LNPEP: variants seen among roughly 807,000 people sequenced by gnomAD.
LNPEP encodes the protein leucyl-cystinyl aminopeptidase.
In LNPEP, 64 loss-of-function variants were observed where a neutral mutation model predicts 120.6. That is an observed-to-expected ratio of 0.53 (90% CI 0.43 to 0.65). The LOEUF (loss-of-function observed/expected upper bound fraction) is 0.65, where lower values mean the gene tolerates loss of function less well. Ranked by LOEUF, LNPEP falls within the 30% of genes least tolerant of loss-of-function variation. The pLI is 0.00. For synonymous variants in LNPEP, 435 were observed against 425.4 expected, an observed-to-expected ratio of 1.02 and a Z score of -0.28; for missense variants, 1,057 against 1,200.0, an observed-to-expected ratio of 0.88 and a Z score of 1.76.
chr5:96,996,820 A>G (rs1390767206), intron 7 of LNPEP, among the ~76,000 whole-genome samples: 5 of 152,030 alleles, frequency 3.3e-5, no homozygotes, highest in African/African-American at 1.2e-4. Context: ...AGGAATTTAA[A>G]GTTGCAAAGT....
At chr5:96,972,394 GCTGGGTTGAC>G (rs2112596268) in intron 1 of LNPEP, among the ~76,000 whole-genome samples, 1 of 152,100 alleles carries the variant, frequency 6.6e-6, no homozygotes, top group East Asian at 1.9e-4. Flanking sequence ...CTTTGCTCTG[GCTGGGTTGAC>G]CTGCCACTAC....
Position 97,026,717 on chromosome 5 carries a change from T to G in LNPEP, c.2824T>G (p.Trp942Gly), listed in dbSNP as rs1301482770. 1 of 1,613,652 alleles carries G rather than the reference T, an allele frequency of 6.2e-7. No individual in the cohort carries two copies. Among genetic ancestry groups the G allele is most frequent in the Non-Finnish European group, 8.5e-7 (1 of 1,179,554 alleles). ...GRHFPGHLLAWDFVKENWNKL... is the reference protein window; with the variant it reads ...GRHFPGHLLAGDFVKENWNKL... ...ACATTTTCCTGGACACTTACTGGCATGGGATTTTGTCAAAGAGAACTGGAA... is the reference window on the plus strand; with the variant it reads ...ACATTTTCCTGGACACTTACTGGCAGGGGATTTTGTCAAAGAGAACTGGAA... Residue 942 changes from tryptophan to glycine, a missense_variant, in exon 16 of 18, where the codon TGG (tryptophan) becomes GGG (glycine). Coordinates refer to ENST00000231368, the MANE Select transcript of LNPEP (RefSeq NM_005575.3).
At chr5:96,948,870 T>A (rs1789255302) in intron 1 of LNPEP, among the ~76,000 whole-genome samples, 1 of 152,230 alleles carries the variant, frequency 6.6e-6, no homozygotes, top group Non-Finnish European at 1.5e-5. Flanking sequence ...TAGTATAGTA[T>A]AATAGTGAAG....
At chr5:96,954,124 A>T (rs1455527480) in intron 1 of LNPEP, among the ~76,000 whole-genome samples, 1 of 152,226 alleles carries the variant, frequency 6.6e-6, no homozygotes, top group East Asian at 1.9e-4. Context: ...AATTGAGACT[A>T]TAAAGTTCCA....
chr5:96,991,623 T>C (rs115282563), intron 4 of LNPEP, among the ~76,000 whole-genome samples: 2,108 of 152,324 alleles, frequency 0.014, 51 homozygotes, highest in African/African-American at 0.048. Context: ...GAGAATTGTC[T>C]TTTCATGTCC....
chr5:97,011,252 GT>G, intron 11 of LNPEP: 2 of 909,430 alleles, frequency 2.2e-6, no homozygotes, highest in Non-Finnish European at 2.6e-6. Context: ...TAGAGACAGG[GT>G]CCTGCTCTGT....
At chr5:96,989,320 TAATATATA>T (rs1561443009) in intron 4 of LNPEP, among the ~76,000 whole-genome samples, 1 of 21,756 alleles carries the variant, frequency 4.6e-5, no homozygotes, top group Non-Finnish European at 8.3e-5. Flanking sequence ...ATATTATATA[TAATATATA>T]ATTATATATA....
Position 96,979,691 on chromosome 5 carries a change from G to A in LNPEP, c.573G>A (p.Arg191=), listed in dbSNP as rs1428237321. Residue 191 remains arginine (R), a synonymous_variant, in exon 2 of 18, where the codon AGG becomes AGA. Coordinates refer to ENST00000231368, the MANE Select transcript of LNPEP (RefSeq NM_005575.3). ...LHPNLTSMTF[R]GSVTISVQAL... ...CGAACCTAACCTCGATGACATTCAG[G>A]GGTTCTGTGACAATTTCAGTTCAGG... The A allele has an allele frequency of 1.2e-6, 2 of 1,613,904 alleles. No homozygotes were observed. Among genetic ancestry groups the A allele is most frequent in the Admixed American group, 1.7e-5 (1 of 59,978 alleles).
chr5:96,951,561 G>T (rs1408680801), intron 1 of LNPEP, among the ~76,000 whole-genome samples: 2 of 152,146 alleles, frequency 1.3e-5, no homozygotes, highest in African/African-American at 4.8e-5. Flanking sequence ...CCTGGCGGGG[G>T]GTTAGTGCTT....
At chr5:96,999,161 A>G (rs1790585897) in intron 8 of LNPEP, among the ~76,000 whole-genome samples, 1 of 152,194 alleles carries the variant, frequency 6.6e-6, no homozygotes. Flanking sequence ...GAACAGAGGA[A>G]TGACTTGATT....
chr5:96,941,356 G>A (rs759008664), intron 1 of LNPEP, among the ~76,000 whole-genome samples: 1 of 152,172 alleles, frequency 6.6e-6, no homozygotes, highest in Admixed American at 6.5e-5. Flanking sequence ...GACTGGTACT[G>A]GTCTGTGGCC....
At position 97,026,711 on chromosome 5, in the gene LNPEP, C is replaced by G; in HGVS notation, c.2818C>G (p.Leu940Val). The change falls in exon 16 of 18, where the codon CTG (leucine) becomes GTG (valine). Residue 940 changes from leucine to valine, a missense_variant. Transcript: ENST00000231368. Reference protein sequence around the residue: ...TVGRHFPGHLLAWDFVKENWN... With the variant: ...TVGRHFPGHLVAWDFVKENWN... ...GGGTCGACATTTTCCTGGACACTTA[C>G]TGGCATGGGATTTTGTCAAAGAGAA... The G allele has an allele frequency of 6.2e-7, 1 of 1,613,266 alleles. No homozygotes were observed. The highest frequency in any genetic ancestry group is 1.1e-5 in the South Asian group (1 of 91,050).
Position 96,992,196 on chromosome 5 carries a change from A to C in LNPEP, c.1132-819A>C, listed in dbSNP as rs187733960. 2.6e-4 allele frequency among the ~76,000 whole-genome samples: 40 copies of C among 152,282 alleles called. No individual in the cohort carries two copies. In the Middle Eastern group the frequency reaches 0.014, roughly 52 times the overall value. ...AGTGAGCAAGAATTGCAATTTAATA[A>C]TAAGGATGATTCCATCTGCCTTGTC... is the stretch of plus-strand genomic sequence containing the variant. On this transcript the variant is annotated intron_variant, in intron 4 of 17. Transcript: ENST00000231368.
intron 2 of LNPEP, among the ~76,000 whole-genome samples, chr5:96,981,344 CT>C (rs1178600882): frequency 6.6e-6 from 1 of 152,120 alleles, no homozygotes; most frequent in African/African-American, 2.4e-5. Flanking sequence ...ATTCATTTTA[CT>C]GATACTTTTA....
At chr5:97,025,379 C>T (rs1051317629) in intron 15 of LNPEP, among the ~76,000 whole-genome samples, 6 of 152,176 alleles carry the variant, frequency 3.9e-5, no homozygotes, top group Admixed American at 3.9e-4. Flanking sequence ...GTCCTCAGTA[C>T]CTGTCCAGAC....
At position 96,965,706 on chromosome 5, in the gene LNPEP, A is replaced by C. The variant is rs114422200; in HGVS notation, c.20-13432A>C. 9.2e-3 allele frequency among the ~76,000 whole-genome samples: 1,406 copies of C among 152,230 alleles called. 24 individuals carry two copies. The highest frequency in any genetic ancestry group is 0.032 in the African/African-American group (1,322 of 41,558). ...CTTTAGTTGTGGGCATTCATTGAGC[A>C]CTTAGCATCTGAAAATGTCTTACAG... On this transcript the variant is annotated intron_variant, in intron 1 of 17. Transcript: ENST00000231368.
At chr5:96,965,084 C>T (rs1437093424) in intron 1 of LNPEP, among the ~76,000 whole-genome samples, 3 of 152,036 alleles carry the variant, frequency 2.0e-5, no homozygotes, top group African/African-American at 7.2e-5. Context: ...ATGTTGGGAA[C>T]ATTCCAATTC....
At chr5:96,945,983 C>A (rs746899148) in intron 1 of LNPEP, among the ~76,000 whole-genome samples, 1 of 152,134 alleles carries the variant, frequency 6.6e-6, no homozygotes, top group African/African-American at 2.4e-5. Flanking sequence ...GAATGTAATA[C>A]ATGTCTGGTG....
At chr5:96,959,336 G>A (rs1349207636) in intron 1 of LNPEP, among the ~76,000 whole-genome samples, 4 of 152,100 alleles carry the variant, frequency 2.6e-5, no homozygotes, top group Non-Finnish European at 5.9e-5. Context: ...CAAATAATAC[G>A]TCCCAGAATA....
Sources: allele counts gnomAD v4.1 joint callset (sites outside exome capture counted in the v4.1 genomes callset), GRCh38; gene constraint gnomAD v4.1.1; transcripts MANE v1.5; gene names NCBI Gene and HGNC (gene_info 2026-07-23, HGNC 2026-07-21).